Variants in CEP89 observed in about 807,000 individuals in gnomAD.
CEP89 encodes centrosomal protein of 89 kDa.
CEP89 carries 95 observed loss-of-function variants against 97.6 expected under a neutral mutation model. The ratio of observed to expected loss-of-function variants is 0.97; its 90% CI spans 0.82 to 1.15. The LOEUF (loss-of-function observed/expected upper bound fraction) is 1.15, where lower values mean the gene tolerates loss of function less well. CEP89 is among the 50% of genes most tolerant of loss of function. The probability of loss-of-function intolerance (pLI) is 0.00; values close to 1 mark genes in which losing one functional copy is unlikely to be tolerated. For synonymous variants in CEP89, 354 were observed against 349.1 expected (o/e 1.01, Z -0.16); for missense variants, 869 against 947.7 (o/e 0.92, Z 1.09).
intron 16 of CEP89, among the ~76,000 whole-genome samples, chr19:32,892,494 T>G (rs1969551118): frequency 6.6e-6 from 1 of 151,220 alleles, no homozygotes; most frequent in Admixed American, 6.6e-5. Context: ...TTAGTGGAGA[T>G]AGGGTTTCGC....
intron 17 of CEP89, among the ~76,000 whole-genome samples, chr19:32,883,383 G>A (rs970174059): frequency 6.6e-6 from 1 of 151,572 alleles, no homozygotes; most frequent in African/African-American, 2.4e-5. Flanking sequence ...GCCGGGTGCG[G>A]TGGCTCACGC....
At chr19:32,932,182 C>CAAAAAAAA (rs772866337) in intron 8 of CEP89, among the ~76,000 whole-genome samples, 2 of 112,788 alleles carry the variant, frequency 1.8e-5, no homozygotes, top group South Asian at 2.7e-4. Flanking sequence ...CTCCATCTCA[C>CAAAAAAAA]AAAAAAAAAA....
chr19:32,902,496 G>C (rs1051101581), intron 14 of CEP89, among the ~76,000 whole-genome samples: 1 of 152,214 alleles, frequency 6.6e-6, no homozygotes, highest in Non-Finnish European at 1.5e-5. Context: ...CCAAGATAGA[G>C]TTACAGAGAC....
rs756464830 is a variant in CEP89, at chr19:32,901,211, A to G, written c.1733+34T>C. On this transcript the variant is annotated intron_variant, in intron 15 of 18. Transcript: ENST00000305768. ...CATTTGTCTTTTTTAACTATTGAAA[A>G]TAAAAGCAACTTAAAGGAAAAAAAG... is the stretch of plus-strand genomic sequence containing the variant. The G allele has an allele frequency of 1.9e-6, 3 of 1,600,378 alleles. No individual in the cohort carries two copies. The South Asian group carries it at 3.4e-5, about 18-fold the overall frequency.
intron 5 of CEP89, among the ~76,000 whole-genome samples, chr19:32,940,368 A>G (rs1169035533): frequency 4.7e-5 from 7 of 148,626 alleles, no homozygotes; most frequent in Admixed American, 6.7e-5. Flanking sequence ...TCTCCTTCCA[A>G]CACTCCTCCC....
intron 9 of CEP89, among the ~76,000 whole-genome samples, chr19:32,927,668 G>T (rs549291892): frequency 6.6e-6 from 1 of 152,062 alleles, no homozygotes; most frequent in South Asian, 2.1e-4. Flanking sequence ...GCAGTGGTGA[G>T]ATCATGGCTC....
intron 16 of CEP89, among the ~76,000 whole-genome samples, chr19:32,891,769 G>A (rs1354775547): frequency 6.6e-6 from 1 of 151,208 alleles, no homozygotes; most frequent in African/African-American, 2.4e-5. Flanking sequence ...TCAAGCAGGA[G>A]AAAGAATTTC....
rs548031995 is a variant in CEP89, at chr19:32,897,575, TTTTTC to T, written c.1875+2277_1875+2281del. On this transcript the variant is annotated intron_variant, in intron 16 of 18. Coordinates refer to ENST00000305768, the MANE Select transcript of CEP89 (RefSeq NM_032816.5). ...ATACATTTAGAGGGTCCTGAAATTT[TTTTTC>T]TTTTCTTTTTTAAAATTGAGACAGG... is the stretch of plus-strand genomic sequence containing the variant. 1.5e-4 allele frequency among the ~76,000 whole-genome samples: 23 copies of T among 152,252 alleles called. No homozygotes were observed. In the East Asian group the frequency reaches 4.4e-3, roughly 29 times the overall value.
intron 17 of CEP89, among the ~76,000 whole-genome samples, chr19:32,885,720 G>T (rs1173328471): frequency 2.6e-5 from 4 of 152,188 alleles, no homozygotes; most frequent in Non-Finnish European, 5.9e-5. Flanking sequence ...TCAGGACATA[G>T]ATTCAAGTCT....
chr19:32,971,648 C>T (rs1370077555), intron 1 of CEP89, 188 bp downstream of exon 1: 2 of 615,930 alleles, frequency 3.2e-6, no homozygotes, highest in African/African-American at 2.0e-5. Flanking sequence ...CAGAGCGAGA[C>T]CCTGTTTCTT....
At chr19:32,960,108 T>A in intron 2 of CEP89, 50 bp from the exon 3 acceptor site, 1 of 1,599,240 alleles carries the variant, frequency 6.3e-7, no homozygotes, top group African/African-American at 1.3e-5. Flanking sequence ...ACATTCCAGG[T>A]GAATGCTGAA....
intron 16 of CEP89, 35 bp downstream of exon 16, chr19:32,899,822 C>A: frequency 2.5e-6 from 4 of 1,576,394 alleles, no homozygotes; most frequent in Non-Finnish European, 3.5e-6. Context: ...CATATTAACT[C>A]GCAGTTTACT....
In CEP89 at chr19:32,966,369, T is replaced by C; in HGVS notation, c.137A>G (p.Glu46Gly). The change falls in exon 2 of 19, where the codon GAG becomes GGG. Residue 46 changes from glutamate to glycine, a missense_variant. Coordinates refer to ENST00000305768, the MANE Select transcript of CEP89 (RefSeq NM_032816.5). ...CTCATCTGATACTCACCTTGGTCTCTCTGGAGATGGGTTGGGGCTGCGGGG... is the reference window on the plus strand; with the variant it reads ...CTCATCTGATACTCACCTTGGTCTCCCTGGAGATGGGTTGGGGCTGCGGGG... ...PPPRSPNPSP[E>G]RPRSALAAAI... The C allele has an allele frequency of 6.5e-7, 1 of 1,538,834 alleles. No homozygotes were observed. Among genetic ancestry groups the C allele is most frequent in the Non-Finnish European group, 8.8e-7 (1 of 1,137,440 alleles).
chr19:32,904,095 G>A (rs1484922776), intron 14 of CEP89, among the ~76,000 whole-genome samples: 4 of 152,212 alleles, frequency 2.6e-5, no homozygotes, highest in African/African-American at 4.8e-5. Context: ...AGGAGGTCAA[G>A]GCTGGAGCAA....
intron 14 of CEP89, among the ~76,000 whole-genome samples, chr19:32,901,629 T>G (rs1045614652): frequency 6.6e-6 from 1 of 151,380 alleles, no homozygotes; most frequent in Non-Finnish European, 1.5e-5. Context: ...GGGCACACAC[T>G]ACGTGTGTGT....
At chr19:32,910,265 C>G (rs1057007025) in intron 14 of CEP89, among the ~76,000 whole-genome samples, 12 of 140,570 alleles carry the variant, frequency 8.5e-5, no homozygotes, top group Admixed American at 2.2e-4. Context: ...GACTCTGCCT[C>G]AGAGAGAGAG....
chr19:32,890,718 C>A (rs975678276), intron 16 of CEP89, among the ~76,000 whole-genome samples: 1 of 152,114 alleles, frequency 6.6e-6, no homozygotes, highest in South Asian at 2.1e-4. Context: ...GTGATCCCAG[C>A]CCCAGGGGAG....
chr19:32,913,310 T>TTG (rs1970049932), intron 14 of CEP89, among the ~76,000 whole-genome samples: 4 of 45,614 alleles, frequency 8.8e-5, no homozygotes, highest in African/African-American at 3.1e-4. Flanking sequence ...TATATATTTT[T>TTG]TTGTTGTTGT....
intron 3 of CEP89, among the ~76,000 whole-genome samples, chr19:32,955,959 C>A (rs111904124): frequency 0.016 from 2,388 of 152,020 alleles, 72 homozygotes; most frequent in African/African-American, 0.055. Flanking sequence ...TCTAAATTTG[C>A]ATTTGTTACT....
Sources: gnomAD v4.1 joint callset for allele counts (sites outside exome capture counted in the v4.1 genomes callset) on GRCh38, gnomAD v4.1.1 for gene constraint, MANE v1.5 for transcripts, NCBI Gene and HGNC (gene_info 2026-07-23, HGNC 2026-07-21) for gene names.